ABLIM1: variants seen among roughly 807,000 people sequenced by gnomAD.
ABLIM1 encodes the protein actin binding LIM protein 1, also known as actin-binding LIM protein 1.
In ABLIM1, 40 loss-of-function variants were observed where a neutral mutation model predicts 107.0. That is an observed-to-expected ratio of 0.37 (90% CI 0.29 to 0.49). The LOEUF is 0.49. ABLIM1 is among the 20% of genes least tolerant of loss of function. The pLI is 0.97. For synonymous variants in ABLIM1, 357 were observed against 357.3 expected (o/e 1.00, Z 0.01); for missense variants, 857 against 1,008.5 (o/e 0.85, Z 2.04).
At chr10:114,749,450 C>CCACA (rs151201319) in intron 1 of ABLIM1, among the ~76,000 whole-genome samples, 7,521 of 141,488 alleles carry the variant, frequency 0.053, 212 homozygotes, top group Admixed American at 0.088. Context: ...AACACACACA[C>CCACA]CACACACACA....
At chr10:114,458,094 C>CTG (rs35469132) in intron 12 of ABLIM1, among the ~76,000 whole-genome samples, 41,602 of 149,296 alleles carry the variant, frequency 0.28, 5,982 homozygotes, top group African/African-American at 0.39. Flanking sequence ...CAAAACTACT[C>CTG]TGTGTGTGTG....
In ABLIM1 at chr10:114,536,245, T is replaced by C. The variant is rs1486244165; in HGVS notation, c.894+8760A>G. Among the ~76,000 whole-genome samples the C allele has an allele frequency of 4.9e-3, 376 of 76,062 alleles. 8 individuals carry two copies. The highest frequency in any genetic ancestry group is 0.016 in the Middle Eastern group (2 of 122). The allele number at this position is 76,062 out of a possible 152,430, so 49.9% of individuals were successfully genotyped here. On this transcript the variant is annotated intron_variant, in intron 6 of 22. Coordinates refer to ENST00000533213, the MANE Select transcript of ABLIM1 (RefSeq NM_002313.7). The stretch of plus-strand genomic sequence containing the variant: ...TTTCTTTGTTTTTTTTTTTTTTTTT[T>C]TTTTTTTTTTTTTTTTTTTGAGATG...
At chr10:114,618,865 C>T (rs1281336487) in intron 1 of ABLIM1, among the ~76,000 whole-genome samples, 1 of 152,180 alleles carries the variant, frequency 6.6e-6, no homozygotes, top group Non-Finnish European at 1.5e-5. Context: ...TTAGTGTTGC[C>T]TCACTGTGGT....
At chr10:114,556,124 C>T (rs2068700612) in intron 4 of ABLIM1, among the ~76,000 whole-genome samples, 1 of 152,018 alleles carries the variant, frequency 6.6e-6, no homozygotes, top group Non-Finnish European at 1.5e-5. Context: ...AGTTGAGGTC[C>T]TGAATTTAAT....
At chr10:114,757,234 G>GGCA (rs2082649960) in intron 1 of ABLIM1, among the ~76,000 whole-genome samples, 1 of 152,106 alleles carries the variant, frequency 6.6e-6, no homozygotes, top group Non-Finnish European at 1.5e-5. Context: ...AATGTAAAGA[G>GGCA]GCAGCATTGT....
chr10:114,439,027 A>T, intron 21 of ABLIM1, 149 bp downstream of exon 21: 1 of 896,198 alleles, frequency 1.1e-6, no homozygotes, highest in Non-Finnish European at 1.7e-6. Context: ...TGTGGGCAAA[A>T]CAGCAGAATG....
At chr10:114,513,453 G>A (rs2062243890) in intron 6 of ABLIM1, among the ~76,000 whole-genome samples, 1 of 151,860 alleles carries the variant, frequency 6.6e-6, no homozygotes, top group African/African-American at 2.4e-5. Context: ...TAAAAAAAAA[G>A]AAACCCCACT....
chr10:114,727,886 T>C (rs2081993290), intron 1 of ABLIM1, among the ~76,000 whole-genome samples: 1 of 152,086 alleles, frequency 6.6e-6, no homozygotes, highest in Admixed American at 6.6e-5. Context: ...TCATGCCACA[T>C]TGCACTCCAG....
rs745928957 is a variant in ABLIM1, at chr10:114,437,937, A to G, written c.2143-13T>C. On this transcript the variant is annotated splice_polypyrimidine_tract_variant and intron_variant, in intron 21 of 22. Coordinates refer to ENST00000533213, the MANE Select transcript of ABLIM1 (RefSeq NM_002313.7). ...CATATGGAAATATCTGAGAAGAAAG[A>G]AAACACCTCTTCTAGAACACCACAG... 4 of 1,608,462 alleles carry G rather than the reference A, an allele frequency of 2.5e-6. No individual in the cohort carries two copies. Among genetic ancestry groups the G allele is most frequent in the Non-Finnish European group, 3.4e-6 (4 of 1,174,922 alleles).
At chr10:114,589,512 G>T (rs1231467285) in intron 2 of ABLIM1, among the ~76,000 whole-genome samples, 1 of 150,968 alleles carries the variant, frequency 6.6e-6, no homozygotes, top group African/African-American at 2.4e-5. Flanking sequence ...CTGGGCAATA[G>T]AGTGAGACTC....
intron 2 of ABLIM1, among the ~76,000 whole-genome samples, chr10:114,581,329 T>C (rs183793476): frequency 1.3e-4 from 20 of 152,318 alleles, no homozygotes; most frequent in African/African-American, 4.6e-4. Flanking sequence ...GTAGCAACTA[T>C]TTCTTCAACC....
At chr10:114,540,697 T>A (rs1486959771) in intron 6 of ABLIM1, among the ~76,000 whole-genome samples, 1 of 152,132 alleles carries the variant, frequency 6.6e-6, no homozygotes, top group African/African-American at 2.4e-5. Flanking sequence ...TTCTCAAAGG[T>A]CCCTCAGGTG....
intron 6 of ABLIM1, among the ~76,000 whole-genome samples, chr10:114,535,471 C>A (rs898567414): frequency 6.6e-6 from 1 of 152,108 alleles, no homozygotes; most frequent in Non-Finnish European, 1.5e-5. Context: ...CCACCATGCC[C>A]GGCTAATTTT....
chr10:114,755,575 G>A (rs1159266688), intron 1 of ABLIM1, among the ~76,000 whole-genome samples: 4 of 152,196 alleles, frequency 2.6e-5, no homozygotes, highest in Admixed American at 2.6e-4. Context: ...CGCGTTTGTG[G>A]CATGAATGAG....
intron 2 of ABLIM1, among the ~76,000 whole-genome samples, chr10:114,580,205 T>TTATATATA (rs1555186173): frequency 1.4e-5 from 2 of 144,882 alleles, no homozygotes; most frequent in Admixed American, 6.9e-5. Flanking sequence ...ATATTATATA[T>TTATATATA]TATATATATA....
At chr10:114,536,163 C>T (rs537132361) in intron 6 of ABLIM1, among the ~76,000 whole-genome samples, 1 of 149,432 alleles carries the variant, frequency 6.7e-6, no homozygotes, top group Admixed American at 6.7e-5. Context: ...CTATTCCACA[C>T]ATTTCATACA....
chr10:114,466,289 G>A (rs957457439), intron 11 of ABLIM1, among the ~76,000 whole-genome samples: 5 of 152,082 alleles, frequency 3.3e-5, no homozygotes, highest in East Asian at 1.9e-4. Context: ...CAGCCTGGAC[G>A]ACAGAGTGAG....
At chr10:114,617,299 T>C (rs1361012742) in intron 1 of ABLIM1, among the ~76,000 whole-genome samples, 2 of 150,724 alleles carry the variant, frequency 1.3e-5, no homozygotes, top group Admixed American at 6.6e-5. Flanking sequence ...TTTGCTCTTG[T>C]TGCCCAGGCT....
intron 1 of ABLIM1, among the ~76,000 whole-genome samples, chr10:114,637,534 T>C (rs1270857168): frequency 1.3e-5 from 2 of 152,208 alleles, no homozygotes; most frequent in Non-Finnish European, 2.9e-5. Flanking sequence ...GTTCTTAAAG[T>C]AGAACTATTT....
Sources: allele counts gnomAD v4.1 joint callset (sites outside exome capture counted in the v4.1 genomes callset), GRCh38; gene constraint gnomAD v4.1.1; transcripts MANE v1.5; gene names NCBI Gene and HGNC (gene_info 2026-07-23, HGNC 2026-07-21).